Variants in IP6K1 observed in about 807,000 individuals in gnomAD.
IP6K1 encodes the protein inositol hexakisphosphate kinase 1.
IP6K1 carries 13 observed loss-of-function variants against 38.3 expected under a neutral mutation model. The ratio of observed to expected loss-of-function variants is 0.34; its 90% confidence interval spans 0.22 to 0.54. The LOEUF is 0.54. Ranked by LOEUF, IP6K1 falls within the 20% of genes least tolerant of loss-of-function variation. The pLI, the probability that IP6K1 is intolerant of heterozygous loss-of-function variation, is 0.92. For synonymous variants in IP6K1, 212 were observed against 229.9 expected, an observed-to-expected ratio of 0.92 and a Z score of 0.70; for missense variants, 397 against 599.8, an observed-to-expected ratio of 0.66 and a Z score of 3.53.
At chr3:49,757,682 T>C (rs572728681) in intron 1 of IP6K1, among the ~76,000 whole-genome samples, 1 of 152,166 alleles carries the variant, frequency 6.6e-6, no homozygotes, top group East Asian at 1.9e-4. Context: ...ATTGCGCCAC[T>C]ACACTCCAGC....
At chr3:49,767,869 C>T (rs544866630) in intron 1 of IP6K1, among the ~76,000 whole-genome samples, 3 of 152,004 alleles carry the variant, frequency 2.0e-5, no homozygotes, top group East Asian at 3.9e-4. Flanking sequence ...TTGTATAACT[C>T]GACAACAACA....
Position 49,724,576 on chromosome 3 carries a change from A to AT in IP6K1, c.*2545dup, listed in dbSNP as rs1329421980. 6.6e-6 allele frequency: 1 copy of AT among 152,394 alleles called. No homozygotes were observed. Among genetic ancestry groups the AT allele is most frequent in the Admixed American group, 6.5e-5 (1 of 15,282 alleles). 9.4% of individuals were successfully genotyped at this position (152,394 alleles called of 1,614,324 possible). A position where few individuals can be genotyped will look rare whatever the true frequency, so the allele number is the denominator to read the frequency against. ...CAGGTCCTTCCCAGGGTTCTCCATT[A>AT]TTTTTTCCTCATTAAAATATATTTT... On this transcript the variant is annotated 3_prime_UTR_variant, in exon 6 of 6. Coordinates refer to ENST00000321599, the MANE Select transcript of IP6K1 (RefSeq NM_153273.4).
At chr3:49,759,828 T>C (rs1264487422) in intron 1 of IP6K1, among the ~76,000 whole-genome samples, 5 of 152,230 alleles carry the variant, frequency 3.3e-5, no homozygotes, top group Non-Finnish European at 5.9e-5. Context: ...CCTCACAAAA[T>C]GCCATCAAGT....
chr3:49,736,012 G>A (rs991149696), intron 3 of IP6K1, among the ~76,000 whole-genome samples: 4 of 152,138 alleles, frequency 2.6e-5, no homozygotes, highest in African/African-American at 9.7e-5. Context: ...CACCTCCTGG[G>A]TTCAAGTGAT....
Position 49,773,337 on chromosome 3 carries a change from G to A in IP6K1, c.-129+13017C>T, listed in dbSNP as rs551223639. Among the ~76,000 whole-genome samples, 6 of 152,308 alleles carry A rather than the reference G, an allele frequency of 3.9e-5. 1 individual carries two copies. In the South Asian group the frequency reaches 6.2e-4, roughly 16 times the overall value. Reference sequence around the variant, plus strand: ...TAAGATAGCCACATACTGGCCGGGCGCGGTGGCTCACGCCTGTAATCCCAG... The same window carrying A: ...TAAGATAGCCACATACTGGCCGGGCACGGTGGCTCACGCCTGTAATCCCAG... On this transcript the variant is annotated intron_variant, in intron 1 of 5. Coordinates refer to ENST00000321599, the MANE Select transcript of IP6K1 (RefSeq NM_153273.4).
chr3:49,741,542 C>G (rs1293106382), intron 2 of IP6K1, among the ~76,000 whole-genome samples: 2 of 152,112 alleles, frequency 1.3e-5, no homozygotes, highest in East Asian at 3.8e-4. Context: ...CAGAAGAATA[C>G]TAAATTTGGA....
chr3:49,727,737 G>A lies in IP6K1; in HGVS notation c.793-82C>T. The A allele has an allele frequency of 1.1e-5, 16 of 1,444,224 alleles. No homozygotes were observed. The highest frequency in any genetic ancestry group is 1.4e-5 in the Non-Finnish European group (15 of 1,064,878). The allele number at this position is 1,444,224 out of a possible 1,614,324, so 89.5% of individuals were successfully genotyped here. ...TGCCCTGGGCAAACACTGTCTGGAA[G>A]GGACTTTGACCAACCTGAGCTTTTC... is the stretch of plus-strand genomic sequence containing the variant. On this transcript the variant is annotated intron_variant, in intron 5 of 5. Coordinates refer to ENST00000321599, the MANE Select transcript of IP6K1 (RefSeq NM_153273.4). The surrounding 1 kb of genome is among the most constrained non-coding windows in gnomAD (Gnocchi z 5.9).
At chr3:49,784,994 G>C (rs536316325) in intron 1 of IP6K1, among the ~76,000 whole-genome samples, 30 of 152,068 alleles carry the variant, frequency 2.0e-4, no homozygotes, top group Non-Finnish European at 3.1e-4. Context: ...AAGTATTGTC[G>C]CTTGACTTCT....
At chr3:49,735,076 T>G (rs1427919495) in intron 3 of IP6K1, among the ~76,000 whole-genome samples, 1 of 152,188 alleles carries the variant, frequency 6.6e-6, no homozygotes, top group African/African-American at 2.4e-5. Flanking sequence ...CACTCTAGAC[T>G]GGGCGCAGTG....
intron 3 of IP6K1, among the ~76,000 whole-genome samples, chr3:49,737,828 A>G (rs946347400): frequency 1.3e-5 from 2 of 152,204 alleles, no homozygotes; most frequent in Admixed American, 6.5e-5. Flanking sequence ...TCCTGGTTGG[A>G]CTCATAGCCC....
chr3:49,754,282 GGGA>G (rs2080803396), intron 1 of IP6K1, among the ~76,000 whole-genome samples: 1 of 151,956 alleles, frequency 6.6e-6, no homozygotes, highest in Non-Finnish European at 1.5e-5. Flanking sequence ...AGACTGAGGT[GGGA>G]GGATGGCTTG....
At chr3:49,734,808 G>A (rs1418070966) in intron 3 of IP6K1, among the ~76,000 whole-genome samples, 1 of 152,124 alleles carries the variant, frequency 6.6e-6, no homozygotes, top group Admixed American at 6.5e-5. Context: ...AAGCCCCCAC[G>A]GTACTTGGTA....
At chr3:49,728,015 A>C in intron 5 of IP6K1, 88 bp downstream of exon 5, 1 of 1,345,658 alleles carries the variant, frequency 7.4e-7, no homozygotes, top group Non-Finnish European at 1.0e-6. Flanking sequence ...GCTCAGGAGG[A>C]CACACTTGGC....
chr3:49,759,273 A>G (rs1447893596), intron 1 of IP6K1, among the ~76,000 whole-genome samples: 1 of 152,174 alleles, frequency 6.6e-6, no homozygotes, highest in East Asian at 1.9e-4. Context: ...ATTATCTGAA[A>G]ATATAGTCAA....
chr3:49,743,540 T>G (rs898829395), intron 2 of IP6K1, among the ~76,000 whole-genome samples: 1 of 151,510 alleles, frequency 6.6e-6, no homozygotes, highest in African/African-American at 2.4e-5. Context: ...AATTACCTAG[T>G]TGTAGTGGCG....
At chr3:49,731,196 C>T (rs1043581433) in intron 4 of IP6K1, among the ~76,000 whole-genome samples, 2 of 152,076 alleles carry the variant, frequency 1.3e-5, no homozygotes, top group African/African-American at 4.8e-5. Context: ...TACATGTCTT[C>T]ATTCCAATAT....
rs146298304 is a variant in IP6K1, at chr3:49,764,495, A to T, written c.-128-16327T>A. Among the ~76,000 whole-genome samples, 179 of 152,314 alleles carry T rather than the reference A, an allele frequency of 1.2e-3. 1 individual carries two copies. The highest frequency in any genetic ancestry group is 4.1e-3 in the African/African-American group (172 of 41,564). ...GCTACTAATAATTAAGCTCTGAGGG[A>T]GTCAAAAGTTATATGCAGGTTTTTT... On this transcript the variant is annotated intron_variant, in intron 1 of 5. Coordinates refer to ENST00000321599, the MANE Select transcript of IP6K1 (RefSeq NM_153273.4).
At chr3:49,753,858 T>C (rs2080799511) in intron 1 of IP6K1, among the ~76,000 whole-genome samples, 1 of 152,164 alleles carries the variant, frequency 6.6e-6, no homozygotes, top group Non-Finnish European at 1.5e-5. Flanking sequence ...CATAAAATTG[T>C]GTTTTAACTC....
intron 1 of IP6K1, among the ~76,000 whole-genome samples, chr3:49,755,908 G>A (rs2080818604): frequency 6.6e-6 from 1 of 152,142 alleles, no homozygotes; most frequent in Non-Finnish European, 1.5e-5. Flanking sequence ...TATAGATTAG[G>A]CATAGTTATG....
Sources: gnomAD v4.1 joint callset for allele counts (sites outside exome capture counted in the v4.1 genomes callset) on GRCh38, gnomAD v4.1.1 for gene constraint, Gnocchi (gnomAD v3.1) non-coding constraint, MANE v1.5 for transcripts, NCBI Gene and HGNC (gene_info 2026-07-23, HGNC 2026-07-21) for gene names.